ABCC4: variants seen among roughly 807,000 people sequenced by gnomAD.
ABCC4 encodes ATP binding cassette subfamily C member 4 (PEL blood group).
ABCC4 carries 102 observed loss-of-function variants against 168.5 expected under a neutral mutation model. The observed-to-expected ratio is 0.61, with a 90% CI of 0.52 to 0.71. The LOEUF (loss-of-function observed/expected upper bound fraction) is 0.71, where lower values mean the gene tolerates loss of function less well. ABCC4 is among the 30% of genes least tolerant of loss of function. ABCC4 has a pLI of 0.00. For synonymous variants in ABCC4, 617 were observed against 590.7 expected (o/e 1.04, Z -0.65); for missense variants, 1,402 against 1,605.8 (o/e 0.87, Z 2.17).
At chr13:95,081,339 C>T (rs532636537) in intron 21 of ABCC4, among the ~76,000 whole-genome samples, 1 of 152,232 alleles carries the variant, frequency 6.6e-6, no homozygotes, top group South Asian at 2.1e-4. Flanking sequence ...CCTTCTGGAA[C>T]GGCTGCTTCC....
intron 19 of ABCC4, among the ~76,000 whole-genome samples, chr13:95,159,487 T>A (rs1333635118): frequency 6.6e-6 from 1 of 151,988 alleles, no homozygotes; most frequent in Non-Finnish European, 1.5e-5. Flanking sequence ...GGGTCCCAAA[T>A]CCCTGAATAA....
intron 19 of ABCC4, among the ~76,000 whole-genome samples, chr13:95,133,148 C>G (rs1180184215): frequency 1.7e-5 from 2 of 120,120 alleles, no homozygotes; most frequent in Non-Finnish European, 3.2e-5. Context: ...GAATCTTGCT[C>G]TGTCACCCAG....
chr13:95,172,043 C>T (rs1396776418), intron 13 of ABCC4, among the ~76,000 whole-genome samples: 1 of 152,132 alleles, frequency 6.6e-6, no homozygotes, highest in African/African-American at 2.4e-5. Flanking sequence ...CCAGTATCAG[C>T]CAACTCAAAG....
chr13:95,159,096 TATATA>T (rs1566475225), intron 19 of ABCC4, among the ~76,000 whole-genome samples: 16 of 52,052 alleles, frequency 3.1e-4, no homozygotes, highest in Admixed American at 1.1e-3. Context: ...ATAAATTTTA[TATATA>T]TATATATATA....
chr13:95,211,606 A>G (rs2038958707), intron 4 of ABCC4, among the ~76,000 whole-genome samples: 1 of 152,032 alleles, frequency 6.6e-6, no homozygotes, highest in Admixed American at 6.6e-5. Flanking sequence ...GGTGAAGCTT[A>G]TGGAAATGGG....
intron 13 of ABCC4, among the ~76,000 whole-genome samples, chr13:95,177,389 C>T (rs1482562250): frequency 6.6e-6 from 1 of 152,166 alleles, no homozygotes. Context: ...GGGGCCTGGT[C>T]CATCAGCAGT....
intron 8 of ABCC4, among the ~76,000 whole-genome samples, chr13:95,205,424 A>G (rs551353110): frequency 4.7e-4 from 71 of 152,366 alleles, no homozygotes; most frequent in Non-Finnish European, 9.0e-4. Flanking sequence ...ATCCATCTCT[A>G]TTAAGAACCA....
At chr13:95,161,068 T>C in intron 19 of ABCC4, 121 bp downstream of exon 19, 1 of 520,314 alleles carries the variant, frequency 1.9e-6, no homozygotes, top group East Asian at 7.0e-5. Context: ...GGAAAATGAA[T>C]CAACATGCAT....
chr13:95,103,244 G>A (rs913742697), intron 20 of ABCC4, among the ~76,000 whole-genome samples: 7 of 152,056 alleles, frequency 4.6e-5, no homozygotes, highest in African/African-American at 1.7e-4. Flanking sequence ...CAGCCTGGGC[G>A]ACAGAGCGAG....
chr13:95,116,048 CT>C, intron 19 of ABCC4, 47 bp from the exon 20 acceptor site: 5 of 1,381,236 alleles, frequency 3.6e-6, no homozygotes, highest in Non-Finnish European at 5.0e-6. Context: ...CAGATAGACC[CT>C]TTAAGAGAAA....
chr13:95,236,878 C>T (rs1283508370), intron 3 of ABCC4, among the ~76,000 whole-genome samples: 1 of 152,102 alleles, frequency 6.6e-6, no homozygotes, highest in African/African-American at 2.4e-5. Context: ...AAAATCTGGA[C>T]GTTTACATCA....
rs11568680 is a variant in ABCC4 at position 95,301,361 on chromosome 13, G to T, written c.-47C>A. 6.0e-6 allele frequency: 9 copies of T among 1,510,306 alleles called. No individual in the cohort carries two copies. The highest frequency in any genetic ancestry group is 1.8e-6 in the Non-Finnish European group (2 of 1,122,058). 93.6% of individuals were successfully genotyped at this position (1,510,306 alleles called of 1,614,324 possible). ...GGGCCGGGGTCGCGCTGATCAGGCG[G>T]CGGTGGCCGCGGGCTCCGCTCCTGG... On this transcript the variant is annotated 5_prime_UTR_variant, in exon 1 of 31. Coordinates refer to ENST00000645237, the MANE Select transcript of ABCC4 (RefSeq NM_005845.5).
chr13:95,159,093 T>TTATATGTATATATA (rs1257474310), intron 19 of ABCC4, among the ~76,000 whole-genome samples: 2 of 61,014 alleles, frequency 3.3e-5, no homozygotes, highest in African/African-American at 9.1e-5. Context: ...TAAATAAATT[T>TTATATGTATATATA]TATATATATA....
Position 95,211,284 on chromosome 13 carries a change from C to A in ABCC4, c.532-503G>T, listed in dbSNP as rs77815198. The stretch of plus-strand genomic sequence containing the variant: ...TATGGAGTATCAACTATCTGGAGGA[C>A]ACCAGGAGCCCCAGCAGATACAGTG... On this transcript the variant is annotated intron_variant, in intron 4 of 30. Transcript: ENST00000645237. Among the ~76,000 whole-genome samples the A allele has an allele frequency of 1.1e-3, 160 of 152,272 alleles. 2 individuals are homozygous for A. In the East Asian group the frequency reaches 0.027, roughly 26 times the overall value.
chr13:95,056,934 T>C (rs2033082164), intron 26 of ABCC4, among the ~76,000 whole-genome samples: 1 of 149,288 alleles, frequency 6.7e-6, no homozygotes, highest in African/African-American at 2.4e-5. Flanking sequence ...TGAATTTGCA[T>C]GAAGTTACTC....
chr13:95,088,056 C>T lies in ABCC4; in HGVS notation c.2536-4766G>A, dbSNP rs115911704. On this transcript the variant is annotated intron_variant, in intron 20 of 30. Transcript: ENST00000645237. ...ATCTTTTGACATCCAGCGCTGGTACCTGTGTTGGACTTCGGTTAGTGCTTA... is the reference window on the plus strand; with the variant it reads ...ATCTTTTGACATCCAGCGCTGGTACTTGTGTTGGACTTCGGTTAGTGCTTA... 5.1e-3 allele frequency among the ~76,000 whole-genome samples: 777 copies of T among 152,272 alleles called. 8 individuals carry two copies. Among genetic ancestry groups the T allele is most frequent in the African/African-American group, 0.018 (746 of 41,546 alleles).
chr13:95,240,233 G>A (rs1594360602), intron 3 of ABCC4, among the ~76,000 whole-genome samples: 1 of 152,172 alleles, frequency 6.6e-6, no homozygotes, highest in African/African-American at 2.4e-5. Context: ...CAAACAACAC[G>A]GTTTCTTCAA....
chr13:95,157,411 G>A (rs1434164920), intron 19 of ABCC4, among the ~76,000 whole-genome samples: 1 of 151,604 alleles, frequency 6.6e-6, no homozygotes, highest in African/African-American at 2.4e-5. Context: ...CATGAGAATT[G>A]CTTGAACCCA....
At chr13:95,153,355 A>C (rs757366366) in intron 19 of ABCC4, among the ~76,000 whole-genome samples, 1 of 152,206 alleles carries the variant, frequency 6.6e-6, no homozygotes, top group Non-Finnish European at 1.5e-5. Flanking sequence ...GCTAGTTCCA[A>C]GTTAGCCGAA....
Sources: allele counts gnomAD v4.1 joint callset (sites outside exome capture counted in the v4.1 genomes callset), GRCh38; gene constraint gnomAD v4.1.1; transcripts MANE v1.5; gene names NCBI Gene and HGNC (gene_info 2026-07-23, HGNC 2026-07-21).